The following STK39 variants were observed in gnomAD, a reference collection of about 807,000 sequenced individuals.
STK39 encodes STE20/SPS1-related proline-alanine-rich protein kinase.
A neutral mutation model predicts 77.8 loss-of-function variants in STK39; 20 were observed. That is an observed-to-expected ratio of 0.26 (90% CI 0.18 to 0.37). STK39 has a LOEUF of 0.37. STK39 is among the 10% of genes least tolerant of loss of function. The probability of loss-of-function intolerance (pLI) is 1.00; values close to 1 mark genes in which losing one functional copy is unlikely to be tolerated. For missense variants in STK39, 479 were observed against 656.5 expected (o/e 0.73, Z 2.95); for synonymous variants, 246 against 234.1 (o/e 1.05, Z -0.47).
At chr2:167,980,544 C>T (rs1361525629) in intron 16 of STK39, among the ~76,000 whole-genome samples, 2 of 152,198 alleles carry the variant, frequency 1.3e-5, no homozygotes, top group Non-Finnish European at 2.9e-5. Context: ...TGGGCCAATG[C>T]AGCCGACTGA....
chr2:168,172,667 A>G (rs1688858214), intron 2 of STK39, among the ~76,000 whole-genome samples: 1 of 152,216 alleles, frequency 6.6e-6, no homozygotes, highest in African/African-American at 2.4e-5. Context: ...TTTGTTACTG[A>G]AAGGGAAGAG....
chr2:167,960,517 T>C (rs73026945), intron 17 of STK39, among the ~76,000 whole-genome samples: 3,512 of 152,262 alleles, frequency 0.023, 129 homozygotes, highest in African/African-American at 0.08. Context: ...GATAACAGTT[T>C]GCCTCCCCTG....
intron 5 of STK39, among the ~76,000 whole-genome samples, chr2:168,160,990 A>T (rs1688556607): frequency 6.6e-6 from 1 of 152,136 alleles, no homozygotes; most frequent in Admixed American, 6.6e-5. Flanking sequence ...AAGATTGATA[A>T]TTATTGAAAC....
At chr2:168,183,707 G>A (rs930934889) in intron 1 of STK39, among the ~76,000 whole-genome samples, 1 of 152,072 alleles carries the variant, frequency 6.6e-6, no homozygotes, top group Non-Finnish European at 1.5e-5. Context: ...TGCTTCAAAG[G>A]GCCTTCCTCT....
intron 14 of STK39, among the ~76,000 whole-genome samples, chr2:168,035,536 T>C (rs530887359): frequency 6.6e-6 from 1 of 152,152 alleles, no homozygotes; most frequent in African/African-American, 2.4e-5. Flanking sequence ...CAAGTCCATC[T>C]AGGAAGTAAG....
At chr2:168,031,007 A>G (rs1684820087) in intron 14 of STK39, among the ~76,000 whole-genome samples, 1 of 152,180 alleles carries the variant, frequency 6.6e-6, no homozygotes, top group Admixed American at 6.5e-5. Flanking sequence ...AAATCCAAAG[A>G]TTCTCTCAAG....
intron 10 of STK39, among the ~76,000 whole-genome samples, chr2:168,121,027 T>C (rs991319668): frequency 2.0e-5 from 3 of 152,204 alleles, no homozygotes; most frequent in African/African-American, 7.2e-5. Flanking sequence ...ACAATTTAAA[T>C]GGTGGCCGAC....
At chr2:168,001,530 A>T (rs1417355165) in intron 16 of STK39, among the ~76,000 whole-genome samples, 1 of 149,940 alleles carries the variant, frequency 6.7e-6, no homozygotes, top group Non-Finnish European at 1.5e-5. Context: ...AAAAAAAAAA[A>T]TGATAACCTA....
Position 168,157,301 on chromosome 2 carries a change from A to G in STK39, c.628+4486T>C, listed in dbSNP as rs58510019. On this transcript the variant is annotated intron_variant, in intron 5 of 17. Coordinates refer to ENST00000355999, the MANE Select transcript of STK39 (RefSeq NM_013233.3). Reference sequence around the variant, plus strand: ...ATAAGCTTGATTTGAATGGATGCACATACGTGAGGCATTTTGATGGTAACT... The same window carrying G: ...ATAAGCTTGATTTGAATGGATGCACGTACGTGAGGCATTTTGATGGTAACT... Among the ~76,000 whole-genome samples the G allele has an allele frequency of 4.4e-3, 668 of 152,322 alleles. 6 individuals carry two copies. Among genetic ancestry groups the G allele is most frequent in the African/African-American group, 0.015 (640 of 41,576 alleles).
intron 1 of STK39, among the ~76,000 whole-genome samples, chr2:168,204,411 G>A (rs1255565553): frequency 1.3e-5 from 2 of 152,144 alleles, no homozygotes; most frequent in Admixed American, 6.5e-5. Flanking sequence ...AGGAAGACCC[G>A]GTAAACTGGC....
chr2:167,964,519 A>G lies in STK39; in HGVS notation c.1563+143T>C. On this transcript the variant is annotated intron_variant, in intron 17 of 17. Coordinates refer to ENST00000355999, the MANE Select transcript of STK39 (RefSeq NM_013233.3). ...AAACGTTCCCTAACGCTGCAGAGTC[A>G]AATGCTTCCAAATGCAAAAATTGAT... 4.0e-6 allele frequency: 3 copies of G among 741,862 alleles called. No homozygotes were observed. In the South Asian group the frequency reaches 5.0e-5, roughly 12 times the overall value. 46.0% of individuals were successfully genotyped at this position (741,862 alleles called of 1,614,324 possible). A position where few individuals can be genotyped will look rare whatever the true frequency, so the allele number is the denominator to read the frequency against.
At chr2:168,097,128 C>T (rs781621556) in intron 10 of STK39, among the ~76,000 whole-genome samples, 2 of 152,216 alleles carry the variant, frequency 1.3e-5, no homozygotes, top group Non-Finnish European at 2.9e-5. Context: ...TCAGGCAATA[C>T]ACCACACTTG....
At chr2:168,128,602 G>T (rs916872655) in intron 10 of STK39, among the ~76,000 whole-genome samples, 1 of 152,152 alleles carries the variant, frequency 6.6e-6, no homozygotes, top group African/African-American at 2.4e-5. Flanking sequence ...ATTTCTTAAA[G>T]TCCACTTGAA....
At chr2:168,169,342 G>A (rs1183085448) in intron 2 of STK39, among the ~76,000 whole-genome samples, 2 of 152,182 alleles carry the variant, frequency 1.3e-5, no homozygotes, top group African/African-American at 4.8e-5. Context: ...GTAGCATTAG[G>A]TAGGGTCCAG....
In STK39 at chr2:168,096,383, C is replaced by G. The variant is rs150809437; in HGVS notation, c.1090-21152G>C. 1.1e-3 allele frequency among the ~76,000 whole-genome samples: 163 copies of G among 152,314 alleles called. 1 individual carries two copies. Among genetic ancestry groups the G allele is most frequent in the African/African-American group, 3.5e-3 (145 of 41,568 alleles). ...AACCACGAAGTCTCAGTCTCTTCAC[C>G]TGTAACACACGGTGATAATACCTAC... is the stretch of plus-strand genomic sequence containing the variant. On this transcript the variant is annotated intron_variant, in intron 10 of 17. Coordinates refer to ENST00000355999, the MANE Select transcript of STK39 (RefSeq NM_013233.3).
Position 168,064,906 on chromosome 2 carries a change from AT to A in STK39, c.1305+412del, listed in dbSNP as rs558945399. On this transcript the variant is annotated intron_variant, in intron 13 of 17. Transcript: ENST00000355999. ...TGCATGTCACAGTTACTGGACTATT[AT>A]TTTTACAAGGCAAGTTGTAGAGACG... Among the ~76,000 whole-genome samples, 630 of 152,332 alleles carry A rather than the reference AT, an allele frequency of 4.1e-3. 3 individuals are homozygous for A. The highest frequency in any genetic ancestry group is 6.8e-3 in the Non-Finnish European group (462 of 68,032).
chr2:168,159,871 A>G (rs1034458184), intron 5 of STK39, among the ~76,000 whole-genome samples: 1 of 152,146 alleles, frequency 6.6e-6, no homozygotes, highest in East Asian at 1.9e-4. Flanking sequence ...ACATCAATTC[A>G]CTTAATTCCC....
At chr2:168,074,864 C>A in intron 12 of STK39, 118 bp downstream of exon 12, 2 of 1,234,446 alleles carry the variant, frequency 1.6e-6, no homozygotes, top group East Asian at 2.5e-5. Context: ...GTCCTCGTGC[C>A]TTTCCTTTTT....
At chr2:168,199,132 T>C (rs892642798) in intron 1 of STK39, among the ~76,000 whole-genome samples, 7 of 152,122 alleles carry the variant, frequency 4.6e-5, no homozygotes, top group Non-Finnish European at 1.0e-4. Context: ...AATCCTATAT[T>C]CCTTATACCC....
Sources: allele counts gnomAD v4.1 joint callset (sites outside exome capture counted in the v4.1 genomes callset), GRCh38; gene constraint gnomAD v4.1.1; transcripts MANE v1.5; gene names NCBI Gene and HGNC (gene_info 2026-07-23, HGNC 2026-07-21).